Variants in SLC24A3 observed in about 807,000 individuals in gnomAD.
SLC24A3 encodes the protein solute carrier family 24 member 3, also known as sodium/potassium/calcium exchanger 3.
A neutral mutation model predicts 75.8 loss-of-function variants in SLC24A3; 28 were observed. The ratio of observed to expected loss-of-function variants is 0.37; its 90% CI spans 0.27 to 0.51. The LOEUF (loss-of-function observed/expected upper bound fraction) is 0.51, where lower values mean the gene tolerates loss of function less well. SLC24A3 is among the 20% of genes least tolerant of loss of function. SLC24A3 has a pLI of 0.94. For synonymous variants in SLC24A3, 372 were observed against 334.1 expected (o/e 1.11, Z -1.24); for missense variants, 663 against 847.8 (o/e 0.78, Z 2.71).
chr20:19,517,744 G>A (rs2030023559), intron 3 of SLC24A3, among the ~76,000 whole-genome samples: 1 of 152,228 alleles, frequency 6.6e-6, no homozygotes, highest in South Asian at 2.1e-4. Context: ...CCATGAGCCT[G>A]CTGCCAAGGC....
In SLC24A3 at chr20:19,333,642, A is replaced by AGT. The variant is rs1162457740; in HGVS notation, c.271+52569_271+52570dup. 3.9e-3 allele frequency among the ~76,000 whole-genome samples: 461 copies of AGT among 119,450 alleles called. 1 individual carries two copies. Among genetic ancestry groups the AGT allele is most frequent in the African/African-American group, 0.013 (429 of 32,248 alleles). 78.4% of individuals were successfully genotyped at this position (119,450 alleles called of 152,430 possible). A position where few individuals can be genotyped will look rare whatever the true frequency, so the allele number is the denominator to read the frequency against. On this transcript the variant is annotated intron_variant, in intron 2 of 16. Coordinates refer to ENST00000328041, the MANE Select transcript of SLC24A3 (RefSeq NM_020689.4). ...TTGCTAGTGTGTGTGTGTGTGTGTG[A>AGT]GTGTGTGTGTGTGTGAGAGTGTGTG...
chr20:19,549,245 C>T (rs1423600290), intron 3 of SLC24A3, among the ~76,000 whole-genome samples: 1 of 152,186 alleles, frequency 6.6e-6, no homozygotes, highest in Non-Finnish European at 1.5e-5. Flanking sequence ...GAAGGCTTTA[C>T]ACCATGATTA....
chr20:19,591,536 G>A (rs1318947060), intron 6 of SLC24A3, among the ~76,000 whole-genome samples: 1 of 151,138 alleles, frequency 6.6e-6, no homozygotes, highest in Non-Finnish European at 1.5e-5. Flanking sequence ...GCATTTTCAG[G>A]CCTCAGGTAC....
chr20:19,692,919 C>T (rs906276869), intron 12 of SLC24A3, among the ~76,000 whole-genome samples: 1 of 152,068 alleles, frequency 6.6e-6, no homozygotes, highest in South Asian at 2.1e-4. Flanking sequence ...ACACATTCCA[C>T]CTCTTTTTTG....
At chr20:19,304,846 GAATGCCTGGCTT>G (rs1984283403) in intron 2 of SLC24A3, among the ~76,000 whole-genome samples, 1 of 152,134 alleles carries the variant, frequency 6.6e-6, no homozygotes, top group Non-Finnish European at 1.5e-5. Context: ...TGAGCATCCT[GAATGCCTGGCTT>G]CTTAAATAAT....
intron 1 of SLC24A3, among the ~76,000 whole-genome samples, chr20:19,256,625 C>T (rs377032544): frequency 4.6e-5 from 7 of 151,720 alleles, no homozygotes; most frequent in East Asian, 2.0e-4. Context: ...AAAAATTAGC[C>T]GGGCATGGTG....
At chr20:19,222,770 C>T (rs1226756599) in intron 1 of SLC24A3, among the ~76,000 whole-genome samples, 78 of 47,848 alleles carry the variant, frequency 1.6e-3, no homozygotes, top group Non-Finnish European at 3.1e-3. Context: ...TCCCTCCTCC[C>T]CTTCCCCTCC....
At chr20:19,250,290 C>G (rs1982611605) in intron 1 of SLC24A3, among the ~76,000 whole-genome samples, 1 of 152,240 alleles carries the variant, frequency 6.6e-6, no homozygotes, top group Admixed American at 6.5e-5. Context: ...TTTCCACTAT[C>G]TTGATTGCTG....
Position 19,717,564 on chromosome 20 carries a change from G to A in SLC24A3, c.1756G>A (p.Gly586Ser), listed in dbSNP as rs2033057426. 6.2e-7 allele frequency: 1 copy of A among 1,614,032 alleles called. No individual in the cohort carries two copies. The highest frequency in any genetic ancestry group is 1.7e-5 in the Admixed American group (1 of 60,006). Residue 586 changes from glycine to serine, a missense_variant, in exon 16 of 17, where the codon GGC becomes AGC. Gly to Ser is a moderately conservative substitution (Grantham distance 56). This residue lies in a region of SLC24A3 where 510 missense variants were observed against 703.6 expected (regional missense o/e 0.72). Transcript: ENST00000328041. Reference sequence around the variant, plus strand: ...TAGCAGGGGGCTGATCTACTCCGTAGGCTTGCTCCTGGCCTCTGTTTTTGT... The same window carrying A: ...TAGCAGGGGGCTGATCTACTCCGTAAGCTTGCTCCTGGCCTCTGTTTTTGT... ...LNSRGLIYSV[G>S]LLLASVFVTV...
At chr20:19,369,834 T>A (rs1337408404) in intron 2 of SLC24A3, among the ~76,000 whole-genome samples, 4 of 152,280 alleles carry the variant, frequency 2.6e-5, no homozygotes, top group East Asian at 1.9e-4. Flanking sequence ...TGTGTCTTTT[T>A]AAAATTTTTT....
At chr20:19,284,242 C>T (rs1983745652) in intron 2 of SLC24A3, 1 of 152,648 alleles carries the variant, frequency 6.6e-6, no homozygotes, top group Non-Finnish European at 1.5e-5. Context: ...GATTTAGAAG[C>T]ATCATTTTAA....
rs369467895 is a variant in SLC24A3, at chr20:19,717,532, G to A, written c.1724G>A (p.Arg575Gln). 5.1e-5 allele frequency: 82 copies of A among 1,613,846 alleles called. No homozygotes were observed. The Admixed American group carries it at 1.2e-3, about 23-fold the overall frequency. Residue 575 changes from arginine (R) to glutamine (Q), a missense_variant, in exon 16 of 17, where the codon CGG becomes CAG. By Grantham distance (43) the Arg-to-Gln change is conservative. Transcript: ENST00000328041. ...AACTCTAACCCTCTCTTACAGATCCGGCTGAATAGCAGGGGGCTGATCTAC... is the reference window on the plus strand; with the variant it reads ...AACTCTAACCCTCTCTTACAGATCCAGCTGAATAGCAGGGGGCTGATCTAC... ...TLAVDYGSYI[R>Q]LNSRGLIYSV...
intron 15 of SLC24A3, among the ~76,000 whole-genome samples, chr20:19,704,753 C>T (rs138281732): frequency 4.6e-4 from 70 of 152,200 alleles, no homozygotes; most frequent in Middle Eastern, 3.4e-3. Flanking sequence ...AGGAACAGTA[C>T]TTGCAAAGGC....
intron 1 of SLC24A3, among the ~76,000 whole-genome samples, chr20:19,246,512 C>T (rs11087277): frequency 0.094 from 14,241 of 151,960 alleles, 1,167 homozygotes; most frequent in African/African-American, 0.22. Flanking sequence ...TGACTCTTAC[C>T]GACATATTAG....
intron 2 of SLC24A3, among the ~76,000 whole-genome samples, chr20:19,491,864 C>T (rs1015806151): frequency 6.6e-6 from 1 of 152,154 alleles, no homozygotes; most frequent in African/African-American, 2.4e-5. Context: ...ATGTCCCAGC[C>T]CTGGGCAAGG....
intron 3 of SLC24A3, among the ~76,000 whole-genome samples, chr20:19,538,326 G>A (rs919006220): frequency 1.3e-5 from 2 of 152,186 alleles, no homozygotes; most frequent in East Asian, 3.9e-4. Context: ...CAGGATGGAA[G>A]CTGGTCAGCA....
chr20:19,677,686 CT>C (rs796484728), intron 9 of SLC24A3, among the ~76,000 whole-genome samples: 7,402 of 113,768 alleles, frequency 0.065, 166 homozygotes, highest in Middle Eastern at 0.1. Context: ...TTTTTTTTTT[CT>C]TTTTTTTTTT....
At chr20:19,455,807 T>G (rs1987568637) in intron 2 of SLC24A3, among the ~76,000 whole-genome samples, 1 of 152,236 alleles carries the variant, frequency 6.6e-6, no homozygotes. Flanking sequence ...ACAGTCGCCT[T>G]CTGGGGGAAG....
intron 2 of SLC24A3, among the ~76,000 whole-genome samples, chr20:19,440,774 A>C (rs1329950036): frequency 2.0e-5 from 3 of 151,898 alleles, no homozygotes; most frequent in South Asian, 2.1e-4. Flanking sequence ...GAACGATGAG[A>C]GTGTCCAGGG....
Sources: allele counts gnomAD v4.1 joint callset (sites outside exome capture counted in the v4.1 genomes callset), GRCh38; gene constraint gnomAD v4.1.1; regional missense constraint gnomAD v4.1.1; transcripts MANE v1.5; gene names NCBI Gene and HGNC (gene_info 2026-07-23, HGNC 2026-07-21).